The following MDFIC2 variants were observed in gnomAD, a reference collection of about 807,000 sequenced individuals.
MDFIC2 encodes the protein MyoD family inhibitor domain containing 2.
At chr3:70,298,332 A>G (rs1559557529) in intron 2 of MDFIC2, among the ~76,000 whole-genome samples, 1 of 152,120 alleles carries the variant, frequency 6.6e-6, no homozygotes, top group African/African-American at 2.4e-5. Flanking sequence ...AGCAAACAAA[A>G]TAAGATTTCC....
At chr3:70,234,479 T>C (rs1701589460) in intron 2 of MDFIC2, among the ~76,000 whole-genome samples, 1 of 151,854 alleles carries the variant, frequency 6.6e-6, no homozygotes, top group Non-Finnish European at 1.5e-5. Context: ...CAAAACCCCA[T>C]CTCTACAAAA....
chr3:70,224,310 T>A (rs1701484674), intron 2 of MDFIC2, among the ~76,000 whole-genome samples: 1 of 152,198 alleles, frequency 6.6e-6, no homozygotes, highest in African/African-American at 2.4e-5. Flanking sequence ...GGTGGATAAA[T>A]CCAATACATT....
intron 2 of MDFIC2, among the ~76,000 whole-genome samples, chr3:70,288,782 C>G (rs1323123772): frequency 2.0e-5 from 3 of 151,784 alleles, no homozygotes; most frequent in African/African-American, 7.3e-5. Context: ...GTTAGCTCTT[C>G]TTGTTGAATT....
At chr3:70,250,890 A>G (rs1203311111) in intron 2 of MDFIC2, among the ~76,000 whole-genome samples, 1 of 152,224 alleles carries the variant, frequency 6.6e-6, no homozygotes, top group Non-Finnish European at 1.5e-5. Flanking sequence ...CATCAAAAAT[A>G]TATAGTACAT....
chr3:70,272,303 GC>G (rs11308078), intron 2 of MDFIC2: 49,513 of 151,948 alleles, frequency 0.33, 8,549 homozygotes, highest in East Asian at 0.49. Flanking sequence ...TTACCAGCCA[GC>G]CCCCAGGCAA....
At chr3:70,202,497 C>G (rs1701249508) in intron 3 of MDFIC2, among the ~76,000 whole-genome samples, 1 of 152,150 alleles carries the variant, frequency 6.6e-6, no homozygotes, top group Admixed American at 6.5e-5. Context: ...AAACCTTTGT[C>G]ACAAGTTCTT....
At chr3:70,252,239 G>C (rs922060039) in intron 2 of MDFIC2, among the ~76,000 whole-genome samples, 2 of 152,120 alleles carry the variant, frequency 1.3e-5, no homozygotes, top group African/African-American at 4.8e-5. Context: ...AGTTTCAGTG[G>C]AATTCTTATC....
intron 3 of MDFIC2, chr3:70,205,724 T>C (rs1701283685): frequency 6.6e-6 from 1 of 152,144 alleles, no homozygotes; most frequent in South Asian, 2.1e-4. Context: ...ATTCAAAGTT[T>C]ATTTAATCTT....
intron 2 of MDFIC2, among the ~76,000 whole-genome samples, chr3:70,258,908 TTTAA>T (rs771721928): frequency 3.3e-5 from 5 of 152,188 alleles, no homozygotes; most frequent in Non-Finnish European, 7.3e-5. Context: ...CTTCAATTTC[TTTAA>T]TTTTTTCACA....
At chr3:70,254,282 T>C (rs1171303166) in intron 2 of MDFIC2, among the ~76,000 whole-genome samples, 1 of 152,190 alleles carries the variant, frequency 6.6e-6, no homozygotes, top group African/African-American at 2.4e-5. Flanking sequence ...TTAAGACTAC[T>C]TAAGGGATTC....
chr3:70,258,672 T>C (rs1433236151), intron 2 of MDFIC2, among the ~76,000 whole-genome samples: 1 of 152,156 alleles, frequency 6.6e-6, no homozygotes, highest in Non-Finnish European at 1.5e-5. Context: ...AAAAAGAAAC[T>C]ATGCAGTCAA....
chr3:70,208,979 G>A (rs928893225), intron 2 of MDFIC2, among the ~76,000 whole-genome samples: 1 of 152,074 alleles, frequency 6.6e-6, no homozygotes, highest in Non-Finnish European at 1.5e-5. Flanking sequence ...ATTGAATATT[G>A]AAGTGGAATC....
At chr3:70,216,624 T>G (rs531882741) in intron 2 of MDFIC2, among the ~76,000 whole-genome samples, 2 of 152,132 alleles carry the variant, frequency 1.3e-5, no homozygotes, top group Non-Finnish European at 2.9e-5. Context: ...TTATTGAATA[T>G]AATGTATTAT....
At chr3:70,210,169 T>C (rs2106727550) in intron 2 of MDFIC2, among the ~76,000 whole-genome samples, 1 of 152,236 alleles carries the variant, frequency 6.6e-6, no homozygotes, top group African/African-American at 2.4e-5. Context: ...GGTATATGAT[T>C]CTCTTTTTAA....
chr3:70,259,353 A>T (rs1287685511), intron 2 of MDFIC2, among the ~76,000 whole-genome samples: 3 of 152,138 alleles, frequency 2.0e-5, no homozygotes, highest in South Asian at 2.1e-4. Flanking sequence ...ATCTAAAGTG[A>T]CCTTGATAGA....
chr3:70,221,268 C>A (rs1346105484), intron 2 of MDFIC2, among the ~76,000 whole-genome samples: 2 of 152,136 alleles, frequency 1.3e-5, no homozygotes, highest in African/African-American at 4.8e-5. Context: ...ATTCACTTCA[C>A]ACTATGAGAA....
intron 2 of MDFIC2, among the ~76,000 whole-genome samples, chr3:70,254,515 G>A (rs1701796808): frequency 6.6e-6 from 1 of 152,104 alleles, no homozygotes; most frequent in Admixed American, 6.5e-5. Context: ...GGGAAAATTA[G>A]TTTTCACTTA....
chr3:70,280,656 G>C (rs1275392801), intron 2 of MDFIC2, among the ~76,000 whole-genome samples: 1 of 152,096 alleles, frequency 6.6e-6, no homozygotes, highest in Admixed American at 6.6e-5. Context: ...TCTCCTCTGA[G>C]GCTGGCCATA....
chr3:70,280,977 C>T (rs1702077325), intron 2 of MDFIC2, among the ~76,000 whole-genome samples: 1 of 152,188 alleles, frequency 6.6e-6, no homozygotes, highest in African/African-American at 2.4e-5. Flanking sequence ...TTCTACACAG[C>T]TGTACATAGT....
Sources: gnomAD v4.1 joint callset for allele counts (sites outside exome capture counted in the v4.1 genomes callset) on GRCh38, gnomAD v4.1.1 for gene constraint, MANE v1.5 for transcripts, NCBI Gene and HGNC (gene_info 2026-07-23, HGNC 2026-07-21) for gene names.